Variants in PIKFYVE observed in about 807,000 individuals in gnomAD.
The protein encoded by PIKFYVE is phosphoinositide kinase, FYVE-type zinc finger containing, also known as 1-phosphatidylinositol 3-phosphate 5-kinase.
A neutral mutation model predicts 257.9 loss-of-function variants in PIKFYVE; 122 were observed. The ratio of observed to expected loss-of-function variants is 0.47; its 90% confidence interval spans 0.41 to 0.55. The LOEUF (loss-of-function observed/expected upper bound fraction) is 0.55. Ranked by LOEUF, PIKFYVE falls within the 20% of genes least tolerant of loss-of-function variation. The pLI is 0.00. For missense variants in PIKFYVE, 2,160 were observed against 2,536.6 expected (o/e 0.85, Z 3.19); for synonymous variants, 892 against 868.9 (o/e 1.03, Z -0.47).
intron 5 of PIKFYVE, among the ~76,000 whole-genome samples, chr2:208,279,801 A>G (rs533356102): frequency 3.9e-4 from 59 of 152,266 alleles, no homozygotes; most frequent in Middle Eastern, 3.4e-3. Context: ...TTGTTACTGT[A>G]GCCTATTCCT....
chr2:208,317,069 A>C (rs1001515377), intron 15 of PIKFYVE, among the ~76,000 whole-genome samples: 3 of 148,634 alleles, frequency 2.0e-5, no homozygotes, highest in Non-Finnish European at 4.5e-5. Flanking sequence ...GGACATAGGC[A>C]TGGGCAAGGA....
At chr2:208,346,357 T>C (rs546222448) in intron 34 of PIKFYVE, among the ~76,000 whole-genome samples, 2 of 152,342 alleles carry the variant, frequency 1.3e-5, no homozygotes, top group Admixed American at 6.5e-5. Flanking sequence ...GTTCAAGGTA[T>C]TGAATTAGAA....
At chr2:208,306,649 G>T (rs942934357) in intron 12 of PIKFYVE, among the ~76,000 whole-genome samples, 3 of 152,138 alleles carry the variant, frequency 2.0e-5, no homozygotes. Context: ...GAGTGGAATG[G>T]AACAGGAGGC....
Position 208,277,596 on chromosome 2 carries a change from T to C in PIKFYVE, c.501T>C (p.Cys167=), listed in dbSNP as rs1690274860. 5 of 1,613,800 alleles carry C rather than the reference T, an allele frequency of 3.1e-6. No homozygotes were observed. Among genetic ancestry groups the C allele is most frequent in the Admixed American group, 1.7e-5 (1 of 60,004 alleles). The change falls in exon 5 of 42, where the codon TGT becomes TGC. Residue 167 remains cysteine (C), a synonymous_variant. Coordinates refer to ENST00000264380, the MANE Select transcript of PIKFYVE (RefSeq NM_015040.4). ...PDSQCKECYD[C]SEKFTTFRRR... is the part of the protein sequence containing the mutation. ...GCCAATGTAAAGAGTGCTATGACTG[T>C]AGTGAGAAATTTACAACCTTTAGGC...
In PIKFYVE at chr2:208,302,987, C is replaced by G. The variant is rs539279183; in HGVS notation, c.1320+634C>G. On this transcript the variant is annotated intron_variant, in intron 10 of 41. Coordinates refer to ENST00000264380, the MANE Select transcript of PIKFYVE (RefSeq NM_015040.4). ...GTTCCAGCTACTTGGGAGGCTGAGA[C>G]AGGAGAATGACGTGAACCTGGGAGG... Among the ~76,000 whole-genome samples the G allele has an allele frequency of 3.3e-5, 5 of 152,176 alleles. No homozygotes were observed. The South Asian group carries it at 1.0e-3, about 32-fold the overall frequency.
At chr2:208,335,534 A>G in intron 25 of PIKFYVE, 115 bp downstream of exon 25, 1 of 921,958 alleles carries the variant, frequency 1.1e-6, no homozygotes, top group East Asian at 2.6e-5. Context: ...TATGCTATGC[A>G]TGCTTGGTGT....
chr2:208,330,018 C>T (rs1347410443), intron 22 of PIKFYVE, 105 bp downstream of exon 22: 3 of 1,461,048 alleles, frequency 2.1e-6, no homozygotes, highest in Non-Finnish European at 2.8e-6. Context: ...GTTACATGAT[C>T]CTCACTTTCA....
intron 38 of PIKFYVE, among the ~76,000 whole-genome samples, chr2:208,352,113 T>TA (rs1475506306): frequency 3.3e-5 from 5 of 152,186 alleles, no homozygotes; most frequent in African/African-American, 4.8e-5. Context: ...TTAGTTTATA[T>TA]AAAAAATCAC....
chr2:208,286,325 C>T (rs1034465092), intron 6 of PIKFYVE, among the ~76,000 whole-genome samples: 2 of 152,126 alleles, frequency 1.3e-5, no homozygotes, highest in African/African-American at 4.8e-5. Context: ...AGAAGAATGC[C>T]TGTACAATAT....
At position 208,345,131 on chromosome 2, in the gene PIKFYVE, C is replaced by G. The variant is rs771710264; in HGVS notation, c.5048C>G (p.Ala1683Gly). ...CTAAGTTGTAAAGAATACCGAAATG[C>G]CTTAGAGGAATTGTCTAAAGCGACT... Reference protein sequence around the residue: ...FALSCKEYRNALEELSKATQW... With the variant: ...FALSCKEYRNGLEELSKATQW... Residue 1683 changes from alanine to glycine, a missense_variant, in exon 33 of 42, where the codon GCC (alanine) becomes GGC (glycine). Around this residue, in one of 12 missense-constraint regions of PIKFYVE, gnomAD observed 699 missense variants for 855.8 expected, o/e 0.82. Transcript: ENST00000264380. 6.2e-7 allele frequency: 1 copy of G among 1,611,560 alleles called. No individual in the cohort carries two copies. The highest frequency in any genetic ancestry group is 8.5e-7 in the Non-Finnish European group (1 of 1,177,888).
chr2:208,282,742 G>T (rs1690985405), intron 5 of PIKFYVE, among the ~76,000 whole-genome samples: 2 of 152,144 alleles, frequency 1.3e-5, no homozygotes, highest in African/African-American at 4.8e-5. Flanking sequence ...GACGCATAAG[G>T]TTAATCACAA....
intron 23 of PIKFYVE, among the ~76,000 whole-genome samples, chr2:208,331,510 G>A (rs543304437): frequency 2.0e-5 from 3 of 152,222 alleles, no homozygotes; most frequent in African/African-American, 7.2e-5. Context: ...TGGAGTAGCT[G>A]GGACTACAGG....
At chr2:208,348,562 A>G (rs1045896515) in intron 35 of PIKFYVE, among the ~76,000 whole-genome samples, 1 of 149,848 alleles carries the variant, frequency 6.7e-6, no homozygotes, top group Non-Finnish European at 1.5e-5. Flanking sequence ...CAGCCTGGGC[A>G]ATAAAATGAG....
chr2:208,290,677 T>G (rs1440768616), intron 7 of PIKFYVE, among the ~76,000 whole-genome samples: 2 of 152,208 alleles, frequency 1.3e-5, no homozygotes, highest in Non-Finnish European at 1.5e-5. Context: ...TGTTTAATTT[T>G]GTGAGGCACT....
chr2:208,345,064 A>C, intron 32 of PIKFYVE, 47 bp from the exon 33 acceptor site: 1 of 1,267,188 alleles, frequency 7.9e-7, no homozygotes, highest in South Asian at 1.2e-5. Context: ...TTTACTTTTA[A>C]AGAAGAAGTT....
chr2:208,288,664 G>A, intron 6 of PIKFYVE, 65 bp from the exon 7 acceptor site: 3 of 1,599,806 alleles, frequency 1.9e-6, no homozygotes, highest in South Asian at 1.1e-5. Flanking sequence ...TAATGTTAAA[G>A]CGCCTCATTG....
intron 29 of PIKFYVE, among the ~76,000 whole-genome samples, chr2:208,339,144 A>G (rs746389263): frequency 6.6e-6 from 1 of 152,184 alleles, no homozygotes; most frequent in Non-Finnish European, 1.5e-5. Flanking sequence ...TTAGGTAGGC[A>G]TTGTGGTATA....
At chr2:208,315,462 C>T in intron 15 of PIKFYVE, 89 bp downstream of exon 15, 2 of 1,482,926 alleles carry the variant, frequency 1.3e-6, no homozygotes, top group Non-Finnish European at 1.9e-6. Flanking sequence ...TGAAAAGAGT[C>T]ATTACCCTGA....
intron 15 of PIKFYVE, 40 bp downstream of exon 15, chr2:208,315,413 G>T: frequency 6.2e-7 from 1 of 1,605,228 alleles, no homozygotes. Flanking sequence ...AGGAACTGAT[G>T]AGGCAGGACT....
Sources: allele counts gnomAD v4.1 joint callset (sites outside exome capture counted in the v4.1 genomes callset), GRCh38; gene constraint gnomAD v4.1.1; regional missense constraint gnomAD v4.1.1; transcripts MANE v1.5; gene names NCBI Gene and HGNC (gene_info 2026-07-23, HGNC 2026-07-21).